Variants in IGF1 observed in about 807,000 individuals in gnomAD.
IGF1 encodes the protein insulin like growth factor 1, also known as insulin-like growth factor 1.
In IGF1, 4 loss-of-function variants were observed where a neutral mutation model predicts 13.8. The observed-to-expected ratio is 0.29, with a 90% CI of 0.14 to 0.66. The LOEUF is 0.66. Ranked by LOEUF, IGF1 falls within the 30% of genes least tolerant of loss-of-function variation. IGF1 has a pLI of 0.78. For synonymous variants in IGF1, 76 were observed against 72.6 expected (o/e 1.05, Z -0.23); for missense variants, 124 against 188.5 (o/e 0.66, Z 2.00).
intron 2 of IGF1, among the ~76,000 whole-genome samples, chr12:102,473,676 ATTTCC>A (rs1006876785): frequency 6.6e-6 from 1 of 152,196 alleles, no homozygotes; most frequent in African/African-American, 2.4e-5. Flanking sequence ...TATATATAAC[ATTTCC>A]TTTTCAAGTT....
At chr12:102,462,275 G>T (rs1166150974) in intron 2 of IGF1, among the ~76,000 whole-genome samples, 1 of 152,152 alleles carries the variant, frequency 6.6e-6, no homozygotes, top group Non-Finnish European at 1.5e-5. Context: ...TTCAAATCTG[G>T]TTTTTCTAAG....
chr12:102,451,239 T>C (rs1311429681), intron 2 of IGF1, among the ~76,000 whole-genome samples: 1 of 152,238 alleles, frequency 6.6e-6, no homozygotes, highest in African/African-American at 2.4e-5. Flanking sequence ...TATCAAAACC[T>C]GTAACTCTTT....
At chr12:102,405,602 C>A (rs190511120) in intron 3 of IGF1, among the ~76,000 whole-genome samples, 1 of 152,102 alleles carries the variant, frequency 6.6e-6, no homozygotes, top group Admixed American at 6.5e-5. Context: ...AATTAACAGG[C>A]GGAGAAACAC....
intron 2 of IGF1, among the ~76,000 whole-genome samples, chr12:102,474,173 C>T (rs1880867852): frequency 6.6e-6 from 1 of 152,234 alleles, no homozygotes; most frequent in South Asian, 2.1e-4. Context: ...TGATGTCCCA[C>T]AGTTATCTTC....
chr12:102,448,666 G>T, intron 2 of IGF1, among the ~76,000 whole-genome samples: 1 of 128,568 alleles, frequency 7.8e-6, no homozygotes, highest in Non-Finnish European at 1.6e-5. Context: ...ATGTGCACAT[G>T]TACCCTAAAA....
intron 2 of IGF1, among the ~76,000 whole-genome samples, chr12:102,471,480 T>C (rs1449906872): frequency 6.6e-6 from 1 of 152,146 alleles, no homozygotes; most frequent in East Asian, 1.9e-4. Flanking sequence ...ATAACCTAGA[T>C]CTAAGAAGGT....
intron 3 of IGF1, among the ~76,000 whole-genome samples, chr12:102,413,956 C>T (rs747365190): frequency 1.3e-5 from 2 of 152,158 alleles, no homozygotes; most frequent in Non-Finnish European, 2.9e-5. Flanking sequence ...GCTTGAAACT[C>T]TACTACCACA....
chr12:102,447,418 G>A (rs1274991135), intron 2 of IGF1, among the ~76,000 whole-genome samples: 1 of 152,130 alleles, frequency 6.6e-6, no homozygotes, highest in African/African-American at 2.4e-5. Context: ...CCTGCATTGG[G>A]TGCATATATA....
intron 2 of IGF1, chr12:102,423,169 C>T (rs139256325): frequency 2.1e-5 from 3 of 140,596 alleles, no homozygotes. Flanking sequence ...CAAATATATT[C>T]TAACTTAGAA....
intron 2 of IGF1, among the ~76,000 whole-genome samples, chr12:102,458,151 C>T (rs1450481897): frequency 6.6e-6 from 1 of 152,104 alleles, no homozygotes; most frequent in Non-Finnish European, 1.5e-5. Flanking sequence ...GAATGCGAGC[C>T]CCTTTCTAGT....
intron 1 of IGF1, among the ~76,000 whole-genome samples, chr12:102,479,683 A>G (rs985276984): frequency 1.3e-5 from 2 of 152,212 alleles, no homozygotes; most frequent in Admixed American, 6.5e-5. Context: ...TTTAAATTAT[A>G]CAAATATGCA....
rs1873506462 is a variant in IGF1, at chr12:102,399,530, A to G, written c.*2977T>C. 1 of 152,122 alleles carries G rather than the reference A, an allele frequency of 6.6e-6. No individual in the cohort carries two copies. The highest frequency in any genetic ancestry group is 2.4e-5 in the African/African-American group (1 of 41,426). 9.4% of individuals were successfully genotyped at this position (152,122 alleles called of 1,614,324 possible). ...TGCTGTAGTATATAGTAATCAACTG[A>G]CTTCCAGGGTTTGCATCAATTTGTT... On this transcript the variant is annotated 3_prime_UTR_variant, in exon 4 of 4. Transcript: ENST00000337514.
intron 3 of IGF1, among the ~76,000 whole-genome samples, chr12:102,410,768 A>C (rs565656239): frequency 2.6e-5 from 4 of 152,356 alleles, no homozygotes; most frequent in Admixed American, 2.0e-4. Context: ...AAATCTGGGC[A>C]GAACATTCAA....
rs1880701205 is a variant in IGF1 at position 102,471,751 on chromosome 12, A to G, written c.220+3892T>C. On this transcript the variant is annotated intron_variant, in intron 2 of 3. Transcript: ENST00000337514. ...ATACAGTTTATTTAAGGGACTGTTT[A>G]TAGACTCTTAAAACTTAAAAAGACC... 1.3e-5 allele frequency among the ~76,000 whole-genome samples: 2 copies of G among 152,198 alleles called. 1 individual carries two copies. The highest frequency in any genetic ancestry group is 4.8e-5 in the African/African-American group (2 of 41,466).
intron 2 of IGF1, among the ~76,000 whole-genome samples, chr12:102,445,660 T>C (rs1375033273): frequency 6.6e-6 from 1 of 152,250 alleles, no homozygotes; most frequent in Non-Finnish European, 1.5e-5. Flanking sequence ...GTTTTCTAAA[T>C]ATACAATCAT....
At chr12:102,405,253 A>AT (rs1223294341) in intron 3 of IGF1, among the ~76,000 whole-genome samples, 1 of 150,126 alleles carries the variant, frequency 6.7e-6, no homozygotes, top group Non-Finnish European at 1.5e-5. Context: ...TGCCCAGCTA[A>AT]TTTTTTGTAT....
At chr12:102,430,159 C>T (rs1876607904) in intron 2 of IGF1, among the ~76,000 whole-genome samples, 1 of 152,140 alleles carries the variant, frequency 6.6e-6, no homozygotes, top group African/African-American at 2.4e-5. Context: ...GCATAAGTAG[C>T]TCTGCTCTGC....
rs1053511178 is a variant in IGF1 at position 102,420,614 on chromosome 12, G to C, written c.221-924C>G. Among the ~76,000 whole-genome samples, 4 of 152,024 alleles carry C rather than the reference G, an allele frequency of 2.6e-5. No individual in the cohort carries two copies. In the East Asian group the frequency reaches 7.7e-4, roughly 29 times the overall value. ...AACTAATTACAATACCAATCTAGTA[G>C]GGCTCCCTCTCTTACCACCCCAAGA... On this transcript the variant is annotated intron_variant, in intron 2 of 3. Transcript: ENST00000337514.
intron 2 of IGF1, among the ~76,000 whole-genome samples, chr12:102,425,347 A>G (rs1460368901): frequency 6.6e-6 from 1 of 152,124 alleles, no homozygotes; most frequent in African/African-American, 2.4e-5. Flanking sequence ...GCCTGTGTTA[A>G]TTTTTAATTG....
Sources: gnomAD v4.1 joint callset for allele counts (sites outside exome capture counted in the v4.1 genomes callset) on GRCh38, gnomAD v4.1.1 for gene constraint, MANE v1.5 for transcripts, NCBI Gene and HGNC (gene_info 2026-07-23, HGNC 2026-07-21) for gene names.